The following WFDC1 variants were observed in gnomAD, a reference collection of about 807,000 sequenced individuals.
WFDC1 encodes WAP four-disulfide core domain protein 1.
WFDC1 carries 39 observed loss-of-function variants against 32.9 expected under a neutral mutation model. That is an observed-to-expected ratio of 1.19 (90% confidence interval 0.92 to 1.55). WFDC1 has a LOEUF of 1.55. WFDC1 is among the 40% of genes most tolerant of loss of function. The pLI is 0.00. For synonymous variants in WFDC1, 184 were observed against 137.4 expected (o/e 1.34, Z -2.37); for missense variants, 386 against 309.5 (o/e 1.25, Z -1.85).
chr16:84,305,394 C>T (rs1907191328), intron 1 of WFDC1, among the ~76,000 whole-genome samples: 1 of 152,240 alleles, frequency 6.6e-6, no homozygotes, highest in Non-Finnish European at 1.5e-5. Flanking sequence ...GCTGTTTCCG[C>T]ATGGCCCCTT....
chr16:84,296,559 C>A (rs1187386135), intron 1 of WFDC1, among the ~76,000 whole-genome samples: 29 of 152,096 alleles, frequency 1.9e-4, no homozygotes, highest in Non-Finnish European at 2.9e-5. Context: ...TGATTAATGA[C>A]CCCAGGCATA....
chr16:84,319,323 T>G, intron 3 of WFDC1, 108 bp from the exon 4 acceptor site: 3 of 1,473,800 alleles, frequency 2.0e-6, no homozygotes, highest in South Asian at 1.3e-5. Flanking sequence ...CCTCTCTGGG[T>G]GAGGTGCGTT....
chr16:84,325,857 A>ACCAT (rs1025743405), intron 5 of WFDC1: 1 of 150,662 alleles, frequency 6.6e-6, no homozygotes, highest in Non-Finnish European at 1.5e-5. Context: ...CATTCACCCA[A>ACCAT]CCATCCATCC....
rs116352322 is a variant in WFDC1 at position 84,309,808 on chromosome 16, C to T, written c.145-3153C>T. Among the ~76,000 whole-genome samples the T allele has an allele frequency of 8.7e-3, 1,321 of 151,840 alleles. 26 individuals carry two copies. Among genetic ancestry groups the T allele is most frequent in the African/African-American group, 0.03 (1,255 of 41,374 alleles). On this transcript the variant is annotated intron_variant, in intron 1 of 6. Transcript: ENST00000219454. Reference sequence around the variant, plus strand: ...CATCTCTGCCTCCCTCTTCACATGACTTTCTTGTGTGCATGTGTGTGTGCG... The same window carrying T: ...CATCTCTGCCTCCCTCTTCACATGATTTTCTTGTGTGCATGTGTGTGTGCG...
chr16:84,312,546 A>G (rs1247369601), intron 1 of WFDC1, among the ~76,000 whole-genome samples: 1 of 152,202 alleles, frequency 6.6e-6, no homozygotes. Flanking sequence ...TAAGAAATCC[A>G]CACATATGTA....
chr16:84,308,200 G>C (rs1381401526), intron 1 of WFDC1, among the ~76,000 whole-genome samples: 1 of 152,026 alleles, frequency 6.6e-6, no homozygotes, highest in Non-Finnish European at 1.5e-5. Context: ...TGCCCCTCAT[G>C]CCCTCAGTCT....
chr16:84,312,463 G>A (rs992706497), intron 1 of WFDC1, among the ~76,000 whole-genome samples: 7 of 152,048 alleles, frequency 4.6e-5, no homozygotes, highest in Admixed American at 2.6e-4. Flanking sequence ...GAGATGTAGC[G>A]ATGTTGTTGC....
At chr16:84,326,850 T>C in intron 5 of WFDC1, 32 bp from the exon 6 acceptor site, 1 of 1,613,836 alleles carries the variant, frequency 6.2e-7, no homozygotes, top group African/African-American at 1.3e-5. Context: ...AATAGATACA[T>C]CTACCCCAAC....
intron 1 of WFDC1, among the ~76,000 whole-genome samples, chr16:84,312,047 C>G (rs1319765045): frequency 1.3e-5 from 2 of 152,014 alleles, no homozygotes; most frequent in South Asian, 2.1e-4. Flanking sequence ...TGCCTCTAAT[C>G]CCAGCTACTC....
At chr16:84,306,694 G>A (rs999256721) in intron 1 of WFDC1, among the ~76,000 whole-genome samples, 13 of 152,144 alleles carry the variant, frequency 8.5e-5, no homozygotes, top group South Asian at 2.1e-4. Context: ...GCAGATCAGC[G>A]AGTTAATGCA....
intron 5 of WFDC1, 149 bp from the exon 6 acceptor site, chr16:84,326,733 A>G: frequency 1.4e-6 from 1 of 728,066 alleles, no homozygotes; most frequent in Non-Finnish European, 2.4e-6. Flanking sequence ...GAGAGGAGGC[A>G]CTGCAGGTGG....
At chr16:84,311,195 T>C (rs1476991376) in intron 1 of WFDC1, among the ~76,000 whole-genome samples, 1 of 152,048 alleles carries the variant, frequency 6.6e-6, no homozygotes, top group South Asian at 2.1e-4. Context: ...CTTTAAAATA[T>C]TGATCTTATT....
chr16:84,304,634 A>T (rs1907140359), intron 1 of WFDC1, among the ~76,000 whole-genome samples: 1 of 152,216 alleles, frequency 6.6e-6, no homozygotes, highest in Non-Finnish European at 1.5e-5. Context: ...TTACTGTACA[A>T]TCCCTGAGCA....
At position 84,319,501 on chromosome 16, in the gene WFDC1, C is replaced by T. The variant is rs1251199929; in HGVS notation, c.492C>T (p.Ile164=). ...LLCPSGYECH[I]LSPGDVAEGI... ...GTCCCTCGGGCTATGAGTGCCACAT[C>T]CTGAGCCCAGGTGACGTGGCCGAAG... Residue 164 remains isoleucine (I), a synonymous_variant, in exon 4 of 7, where the codon ATC becomes ATT. Transcript: ENST00000219454. 13 of 1,612,964 alleles carry T rather than the reference C, an allele frequency of 8.1e-6. No homozygotes were observed. The highest frequency in any genetic ancestry group is 1.0e-5 in the Non-Finnish European group (12 of 1,179,960).
chr16:84,319,688 G>A, intron 4 of WFDC1, 117 bp downstream of exon 4: 2 of 1,318,422 alleles, frequency 1.5e-6, no homozygotes, highest in South Asian at 1.5e-5. Flanking sequence ...ACCTGGGCCT[G>A]ACTGAGAGCT....
chr16:84,318,651 A>G, intron 3 of WFDC1: 1 of 317,646 alleles, frequency 3.1e-6, no homozygotes. Flanking sequence ...AATTCCTAGA[A>G]TTCTAGGGGG....
intron 1 of WFDC1, among the ~76,000 whole-genome samples, chr16:84,307,986 C>G (rs753138287): frequency 1.3e-5 from 2 of 152,172 alleles, no homozygotes; most frequent in Non-Finnish European, 2.9e-5. Flanking sequence ...TTGGGGAAAA[C>G]CATTCACCTC....
At chr16:84,319,605 C>T (rs762867304) in intron 4 of WFDC1, 34 bp downstream of exon 4, 1 of 1,604,988 alleles carries the variant, frequency 6.2e-7, no homozygotes, top group South Asian at 1.1e-5. Flanking sequence ...ATCCTGGCTC[C>T]TGCCCCAGTC....
intron 1 of WFDC1, among the ~76,000 whole-genome samples, chr16:84,312,729 C>G (rs552377342): frequency 1.1e-3 from 170 of 152,276 alleles, no homozygotes; most frequent in Middle Eastern, 6.8e-3. Context: ...TTTGCTTATC[C>G]TTTTGCTCTG....
Sources: gnomAD v4.1 joint callset for allele counts (sites outside exome capture counted in the v4.1 genomes callset) on GRCh38, gnomAD v4.1.1 for gene constraint, MANE v1.5 for transcripts, NCBI Gene and HGNC (gene_info 2026-07-23, HGNC 2026-07-21) for gene names.